RACGAP1: variants seen among roughly 807,000 people sequenced by gnomAD.
RACGAP1 encodes rac GTPase-activating protein 1.
A neutral mutation model predicts 78.1 loss-of-function variants in RACGAP1; 30 were observed. That is an observed-to-expected ratio of 0.38 (90% CI 0.29 to 0.52). The LOEUF (loss-of-function observed/expected upper bound fraction) is 0.52, where lower values mean the gene tolerates loss of function less well. Ranked by LOEUF, RACGAP1 falls within the 20% of genes least tolerant of loss-of-function variation. The probability of loss-of-function intolerance (pLI) is 0.82; values close to 1 mark genes in which losing one functional copy is unlikely to be tolerated. For synonymous variants in RACGAP1, 231 were observed against 264.8 expected, an observed-to-expected ratio of 0.87 and a Z score of 1.24; for missense variants, 587 against 777.1, an observed-to-expected ratio of 0.76 and a Z score of 2.91.
At chr12:50,008,996 G>C (rs1949144395) in intron 2 of RACGAP1, among the ~76,000 whole-genome samples, 1 of 151,968 alleles carries the variant, frequency 6.6e-6, no homozygotes. Context: ...TAAAATTCAG[G>C]CCGGGCACGG....
chr12:49,989,690 A>T lies in RACGAP1; in HGVS notation c.*578T>A, dbSNP rs1014983431. 6.6e-6 allele frequency: 1 copy of T among 152,360 alleles called. No homozygotes were observed. Among genetic ancestry groups the T allele is most frequent in the Non-Finnish European group, 1.5e-5 (1 of 68,160 alleles). The allele number at this position is 152,360 out of a possible 1,614,324, so 9.4% of individuals were successfully genotyped here. On this transcript the variant is annotated 3_prime_UTR_variant, in exon 17 of 17. Transcript: ENST00000312377. ...CCAAATCAAAGCTACGCATACTCCC[A>T]TCACTAGTTCTGTCCTCAATGCATC...
chr12:50,018,936 G>C (rs926638063), intron 1 of RACGAP1, among the ~76,000 whole-genome samples: 1 of 151,818 alleles, frequency 6.6e-6, no homozygotes, highest in Non-Finnish European at 1.5e-5. Flanking sequence ...CTGCTTCCCA[G>C]GTTCAAGTGA....
intron 7 of RACGAP1, among the ~76,000 whole-genome samples, chr12:50,000,288 C>T (rs1261821661): frequency 6.6e-6 from 1 of 152,066 alleles, no homozygotes; most frequent in Admixed American, 6.6e-5. Context: ...GCTAGGATTA[C>T]AGGCGTGAGC....
chr12:50,020,811 C>T (rs574587562), intron 1 of RACGAP1, among the ~76,000 whole-genome samples: 2 of 152,270 alleles, frequency 1.3e-5, no homozygotes, highest in African/African-American at 4.8e-5. Context: ...ACAAGCTGTT[C>T]TAGATGAGGT....
Position 50,011,256 on chromosome 12 carries a change from C to T in RACGAP1, c.86-4620G>A, listed in dbSNP as rs190714768. On this transcript the variant is annotated intron_variant, in intron 2 of 16. Transcript: ENST00000312377. Reference sequence around the variant, plus strand: ...GGCTGAGGCAGGAGGATCACTTGAACCCACGAGACGGAGGGTGCAGTGAGC... The same window carrying T: ...GGCTGAGGCAGGAGGATCACTTGAATCCACGAGACGGAGGGTGCAGTGAGC... Among the ~76,000 whole-genome samples, 165 of 151,272 alleles carry T rather than the reference C, an allele frequency of 1.1e-3. 1 individual carries two copies. Among genetic ancestry groups the T allele is most frequent in the Middle Eastern group, 6.8e-3 (2 of 294 alleles).
chr12:50,003,607 A>G (rs147434121), intron 5 of RACGAP1, among the ~76,000 whole-genome samples: 1 of 152,354 alleles, frequency 6.6e-6, no homozygotes, highest in Non-Finnish European at 1.5e-5. Context: ...AAGATGCACA[A>G]ATCAATGAAC....
At chr12:49,993,788 T>C (rs1332933403) in intron 12 of RACGAP1, among the ~76,000 whole-genome samples, 1 of 147,312 alleles carries the variant, frequency 6.8e-6, no homozygotes, top group Non-Finnish European at 1.5e-5. Flanking sequence ...GGCTCACGCC[T>C]GTAATCGCAG....
intron 2 of RACGAP1, among the ~76,000 whole-genome samples, chr12:50,010,150 T>A (rs557420476): frequency 6.6e-6 from 1 of 151,786 alleles, no homozygotes; most frequent in Non-Finnish European, 1.5e-5. Context: ...ACACCAATGA[T>A]TTTTTTTAAA....
chr12:50,016,103 C>T (rs976722641), intron 2 of RACGAP1, among the ~76,000 whole-genome samples: 2 of 152,038 alleles, frequency 1.3e-5, no homozygotes, highest in East Asian at 1.9e-4. Flanking sequence ...AAAAAGCAGC[C>T]GGGCACGGTG....
intron 1 of RACGAP1, chr12:50,019,837 A>G (rs1949906423): frequency 6.6e-6 from 1 of 152,132 alleles, no homozygotes; most frequent in South Asian, 2.1e-4. Context: ...CACTTGCTCT[A>G]TTTACCTCAT....
chr12:49,999,901 G>T (rs541987184), intron 7 of RACGAP1, among the ~76,000 whole-genome samples, 168 bp from the exon 8 acceptor site: 1 of 152,234 alleles, frequency 6.6e-6, no homozygotes, highest in Non-Finnish European at 1.5e-5. Context: ...GCCCAGGCTG[G>T]AGAACAGTGG....
intron 10 of RACGAP1, 123 bp from the exon 11 acceptor site, chr12:49,994,632 T>C: frequency 7.1e-7 from 1 of 1,407,222 alleles, no homozygotes; most frequent in Non-Finnish European, 9.4e-7. Flanking sequence ...ACTTTTACAT[T>C]CCTATTCCCA....
At chr12:50,025,641 T>A, upstream of RACGAP1, 1 of 752,404 alleles carries the variant, frequency 1.3e-6, no homozygotes, top group Non-Finnish European at 1.6e-6. Context: ...CCATTTTGAC[T>A]AATGTCAACG....
chr12:49,998,635 C>T lies in RACGAP1; in HGVS notation c.879+506G>A, dbSNP rs116143726. Among the ~76,000 whole-genome samples, 1,181 of 152,222 alleles carry T rather than the reference C, an allele frequency of 7.8e-3. 20 individuals carry two copies. Among genetic ancestry groups the T allele is most frequent in the African/African-American group, 0.027 (1,141 of 41,522 alleles). The stretch of plus-strand genomic sequence containing the variant: ...TAACAATGGGCCAGGCACAGTAGCT[C>T]ATGCCTGTAATCCCAGGACTTTGGG... On this transcript the variant is annotated intron_variant, in intron 9 of 16. Transcript: ENST00000312377.
chr12:50,018,280 T>TGGATGC (rs1451110198), intron 1 of RACGAP1, among the ~76,000 whole-genome samples: 2 of 152,152 alleles, frequency 1.3e-5, no homozygotes, highest in African/African-American at 4.8e-5. Context: ...GTTCCAAGCC[T>TGGATGC]GGATGCAACA....
chr12:50,032,532 G>GGTGT (rs1950344060), intron 1 of RACGAP1, among the ~76,000 whole-genome samples: 1 of 75,078 alleles, frequency 1.3e-5, no homozygotes, highest in South Asian at 5.6e-4. Flanking sequence ...CAAAGGAAAA[G>GGTGT]GTGAGTGTGT....
chr12:50,002,019 C>T lies in RACGAP1; in HGVS notation c.549+228G>A, dbSNP rs191027518. On this transcript the variant is annotated intron_variant, in intron 6 of 16. Coordinates refer to ENST00000312377, the MANE Select transcript of RACGAP1 (RefSeq NM_001319999.2). ...GGCGGACGTTGCGTTCAGCCGAGAT[C>T]GCGCCATTGCACTCCAGCCTGGGAA... Among the ~76,000 whole-genome samples the T allele has an allele frequency of 5.3e-5, 8 of 149,646 alleles. No homozygotes were observed. In the East Asian group the frequency reaches 9.9e-4, roughly 18 times the overall value.
intron 11 of RACGAP1, 23 bp from the exon 12 acceptor site, chr12:49,994,352 A>T: frequency 1.2e-6 from 2 of 1,612,804 alleles, no homozygotes; most frequent in Admixed American, 3.3e-5. Context: ...TGACATTTTT[A>T]TTTAAAAACC....
chr12:50,025,560 G>A, upstream of RACGAP1: 4 of 984,472 alleles, frequency 4.1e-6, no homozygotes, highest in Non-Finnish European at 4.8e-6. Context: ...TGACGTACGC[G>A]TCAGGGCCAC....
Sources: allele counts gnomAD v4.1 joint callset (sites outside exome capture counted in the v4.1 genomes callset), GRCh38; gene constraint gnomAD v4.1.1; transcripts MANE v1.5; gene names NCBI Gene and HGNC (gene_info 2026-07-23, HGNC 2026-07-21).